EEIG2: variants seen among roughly 807,000 people sequenced by gnomAD.
The protein encoded by EEIG2 is family with sequence similarity 102 member B.
the EEIG2 span, among the ~76,000 whole-genome samples, chr1:108,632,577 A>G: frequency 6.6e-5 from 10 of 152,294 alleles, no homozygotes; most frequent in Admixed American, 2.6e-4. Context: ...TGGAGTGAAC[A>G]TGTGTTTTTG....
At chr1:108,588,657 T>C in the EEIG2 span, among the ~76,000 whole-genome samples, 1 of 152,242 alleles carries the variant, frequency 6.6e-6, no homozygotes, top group African/African-American at 2.4e-5. Flanking sequence ...AAATTTACTC[T>C]CTTAGTGTTT....
the EEIG2 span, among the ~76,000 whole-genome samples, chr1:108,581,659 C>A: frequency 6.6e-6 from 1 of 152,144 alleles, no homozygotes; most frequent in Non-Finnish European, 1.5e-5. Flanking sequence ...GAAGTGGAAC[C>A]TGAAGATGTG....
chr1:108,615,562 C>T, the EEIG2 span, among the ~76,000 whole-genome samples: 7 of 151,626 alleles, frequency 4.6e-5, no homozygotes, highest in Non-Finnish European at 7.4e-5. Context: ...TCACTTGAGG[C>T]CAGGAGTTCA....
the EEIG2 span, among the ~76,000 whole-genome samples, chr1:108,597,263 ATTC>A: frequency 1.3e-5 from 2 of 152,102 alleles, no homozygotes; most frequent in African/African-American, 4.8e-5. Context: ...CCCAGAGAAT[ATTC>A]TTCCCACATT....
At chr1:108,568,239 G>T in the EEIG2 span, among the ~76,000 whole-genome samples, 33 of 152,120 alleles carry the variant, frequency 2.2e-4, no homozygotes, top group Non-Finnish European at 4.1e-4. Context: ...TGGGAGAAAA[G>T]ATCTGTTGTA....
the EEIG2 span, chr1:108,560,611 G>T: frequency 1.3e-6 from 2 of 1,590,830 alleles, no homozygotes; most frequent in East Asian, 2.3e-5. Flanking sequence ...CTTGGCCAGG[G>T]CTTGTTGGAT....
the EEIG2 span, chr1:108,606,279 T>C: frequency 2.0e-6 from 3 of 1,510,116 alleles, no homozygotes; most frequent in South Asian, 1.3e-5. Context: ...TTAACTGTTT[T>C]GGAACATGTA....
chr1:108,627,516 C>A, the EEIG2 span: 1 of 152,224 alleles, frequency 6.6e-6, no homozygotes, highest in Non-Finnish European at 1.5e-5. Context: ...CTGGAACATA[C>A]ACATGATCAG....
At chr1:108,580,847 GTA>G in the EEIG2 span, among the ~76,000 whole-genome samples, 2 of 152,198 alleles carry the variant, frequency 1.3e-5, no homozygotes, top group Admixed American at 6.5e-5. Context: ...AAGTGCTAAA[GTA>G]AGAGCGCAGC....
chr1:108,609,022 T>G, the EEIG2 span, among the ~76,000 whole-genome samples: 1 of 152,222 alleles, frequency 6.6e-6, no homozygotes, highest in Non-Finnish European at 1.5e-5. Context: ...TTACCTCTTA[T>G]AGGCTCTGCC....
chr1:108,635,082 G>T, the EEIG2 span: 1 of 1,613,730 alleles, frequency 6.2e-7, no homozygotes, highest in African/African-American at 1.3e-5. Context: ...TCAAAATTTT[G>T]AAGTTTTTTT....
At chr1:108,592,298 A>G in the EEIG2 span, among the ~76,000 whole-genome samples, 3 of 152,196 alleles carry the variant, frequency 2.0e-5, no homozygotes, top group Non-Finnish European at 4.4e-5. Context: ...TTGGTCAACA[A>G]ATCTTTATTG....
At chr1:108,607,080 A>G in the EEIG2 span, among the ~76,000 whole-genome samples, 16 of 152,302 alleles carry the variant, frequency 1.1e-4, no homozygotes, top group South Asian at 3.1e-3. Flanking sequence ...GATTTTTCCT[A>G]TGTTACAAAA....
the EEIG2 span, among the ~76,000 whole-genome samples, chr1:108,623,290 A>T: frequency 6.6e-6 from 1 of 152,168 alleles, no homozygotes; most frequent in Admixed American, 6.5e-5. Flanking sequence ...CCTGGACAAC[A>T]TAGGGAGACC....
the EEIG2 span, among the ~76,000 whole-genome samples, chr1:108,588,728 CTT>C: frequency 1.2e-4 from 15 of 121,332 alleles, no homozygotes; most frequent in Admixed American, 1.6e-4. Context: ...GGTTATTTGA[CTT>C]TTTTTTTTTT....
At chr1:108,561,424 A>G in the EEIG2 span, among the ~76,000 whole-genome samples, 1 of 152,176 alleles carries the variant, frequency 6.6e-6, no homozygotes, top group Non-Finnish European at 1.5e-5. Context: ...AGTTCCTGAG[A>G]TCAAGAAGGG....
At chr1:108,590,305 T>C in the EEIG2 span, among the ~76,000 whole-genome samples, 1 of 152,152 alleles carries the variant, frequency 6.6e-6, no homozygotes, top group Non-Finnish European at 1.5e-5. Context: ...TTGCCTCTGT[T>C]CCCACAGGTT....
chr1:108,635,281 C>G, the EEIG2 span: 5 of 1,210,304 alleles, frequency 4.1e-6, no homozygotes, highest in Non-Finnish European at 5.9e-6. Context: ...CTGGTTTCTT[C>G]TCTGGAAGGA....
At chr1:108,563,909 A>G in the EEIG2 span, among the ~76,000 whole-genome samples, 13,765 of 152,212 alleles carry the variant, frequency 0.09, 741 homozygotes, top group Middle Eastern at 0.2. Context: ...TACAACTGTA[A>G]TGGTTACTGA....
Sources: allele counts gnomAD v4.1 joint callset (sites outside exome capture counted in the v4.1 genomes callset), GRCh38; gene constraint gnomAD v4.1.1; transcripts MANE v1.5; gene names NCBI Gene and HGNC (gene_info 2026-07-23, HGNC 2026-07-21).